Variants in NPC1 observed in about 807,000 individuals in gnomAD.
NPC1 encodes Niemann-Pick C1 protein.
NPC1 carries 85 observed loss-of-function variants against 140.4 expected under a neutral mutation model. The observed-to-expected ratio is 0.61, with a 90% confidence interval of 0.51 to 0.72. The LOEUF is 0.72. Ranked by LOEUF, NPC1 falls within the 30% of genes least tolerant of loss-of-function variation. The pLI is 0.00. For synonymous variants in NPC1, 656 were observed against 624.8 expected (o/e 1.05, Z -0.74); for missense variants, 1,504 against 1,623.8 (o/e 0.93, Z 1.27).
At chr18:23,543,332 G>GGA (rs2058737169) in intron 14 of NPC1, 123 bp downstream of exon 14, 2 of 422,358 alleles carry the variant, frequency 4.7e-6, no homozygotes, top group Non-Finnish European at 8.1e-6. Context: ...CCGTCTCAGA[G>GGA]AAAAAAAAAA....
At chr18:23,542,762 G>A (rs2058729896) in intron 14 of NPC1, among the ~76,000 whole-genome samples, 1 of 152,198 alleles carries the variant, frequency 6.6e-6, no homozygotes, top group African/African-American at 2.4e-5. Flanking sequence ...AGTGCCTGTG[G>A]ATTTGGGAGC....
chr18:23,540,323 A>G, intron 17 of NPC1, 125 bp downstream of exon 17: 1 of 728,036 alleles, frequency 1.4e-6, no homozygotes. Context: ...CTAACCCTGG[A>G]AACCCTGTCA....
downstream of NPC1, among the ~76,000 whole-genome samples, chr18:23,527,270 A>T (rs1027301250): frequency 6.6e-6 from 1 of 150,536 alleles, no homozygotes; most frequent in African/African-American, 2.4e-5. Context: ...TTGGTGGTAT[A>T]CACCTGTGGC....
At chr18:23,583,711 G>C (rs1301146474) in intron 1 of NPC1, among the ~76,000 whole-genome samples, 2 of 152,152 alleles carry the variant, frequency 1.3e-5, no homozygotes, top group Non-Finnish European at 2.9e-5. Flanking sequence ...TGACCAGAGT[G>C]ATTCTTTGTT....
At chr18:23,510,820 GAA>G (rs2057835595) in intron 3 of NPC1, among the ~76,000 whole-genome samples, 1 of 152,188 alleles carries the variant, frequency 6.6e-6, no homozygotes, top group African/African-American at 2.4e-5. Flanking sequence ...AAAAGTCAAA[GAA>G]TAACAGATAC....
chr18:23,560,207 T>G (rs764350291), intron 6 of NPC1, 24 bp downstream of exon 6: 2 of 1,613,850 alleles, frequency 1.2e-6, no homozygotes, highest in Non-Finnish European at 1.7e-6. Flanking sequence ...CTTTTTGCCC[T>G]GGATGACAAA....
downstream of NPC1, among the ~76,000 whole-genome samples, chr18:23,517,387 A>T (rs1017461344): frequency 6.6e-6 from 1 of 152,064 alleles, no homozygotes; most frequent in Admixed American, 6.5e-5. Flanking sequence ...TGACCTCTTG[A>T]TCTGCCCTCC....
intron 18 of NPC1, 147 bp from the exon 19 acceptor site, chr18:23,539,617 G>T: frequency 1.3e-6 from 1 of 786,924 alleles, no homozygotes. Flanking sequence ...AATGAAAAAA[G>T]CCTTCAAAGT....
chr18:23,532,100 G>T lies in NPC1; in HGVS notation c.*102C>A. The T allele has an allele frequency of 6.2e-7, 1 of 1,613,058 alleles. No individual in the cohort carries two copies. The highest frequency in any genetic ancestry group is 2.2e-5 in the East Asian group (1 of 44,862). On this transcript the variant is annotated 3_prime_UTR_variant, in exon 25 of 25. Transcript: ENST00000269228. ...GCTGCTGCCAAACAACCGATGGTTGGCACCATCCGGTGTTCAACTTGGCCT... is the reference window on the plus strand; with the variant it reads ...GCTGCTGCCAAACAACCGATGGTTGTCACCATCCGGTGTTCAACTTGGCCT...
chr18:23,547,165 T>A lies in NPC1; in HGVS notation c.1757+841A>T, dbSNP rs569212020. Among the ~76,000 whole-genome samples, 4 of 152,162 alleles carry A rather than the reference T, an allele frequency of 2.6e-5. No individual in the cohort carries two copies. In the South Asian group the frequency reaches 8.3e-4, roughly 32 times the overall value. ...TGAACTGCATGATACATATACCATATCTCAGTAAAACAATTTTTTAAAAGT... is the reference window on the plus strand; with the variant it reads ...TGAACTGCATGATACATATACCATAACTCAGTAAAACAATTTTTTAAAAGT... On this transcript the variant is annotated intron_variant, in intron 11 of 24. Coordinates refer to ENST00000269228, the MANE Select transcript of NPC1 (RefSeq NM_000271.5).
At chr18:23,527,675 T>C (rs970008780), downstream of NPC1, 12 of 596,052 alleles carry the variant, frequency 2.0e-5, 1 homozygote, top group Non-Finnish European at 3.4e-5. Context: ...TAGAGTGTCC[T>C]TTAAAGGTAC....
intron 24 of NPC1, 33 bp downstream of exon 24, chr18:23,533,322 A>G (rs904124962): frequency 6.2e-7 from 1 of 1,600,768 alleles, no homozygotes; most frequent in South Asian, 1.1e-5. Flanking sequence ...ATGTCCTTCT[A>G]TTGTGCCACC....
intron 1 of NPC1, among the ~76,000 whole-genome samples, chr18:23,584,251 A>G (rs2059389003): frequency 1.3e-5 from 2 of 152,248 alleles, no homozygotes; most frequent in South Asian, 2.1e-4. Context: ...GAACTCTACT[A>G]GCGCTCAGAC....
At chr18:23,556,670 A>C (rs775507807) in intron 7 of NPC1, 57 bp from the exon 8 acceptor site, 2 of 1,602,886 alleles carry the variant, frequency 1.2e-6, no homozygotes, top group Non-Finnish European at 1.7e-6. Context: ...CGTTCCTGAA[A>C]GTCGGAACAG....
At chr18:23,530,815 CGAG>C (rs2058473569), downstream of NPC1, among the ~76,000 whole-genome samples, 1 of 152,220 alleles carries the variant, frequency 6.6e-6, no homozygotes, top group East Asian at 1.9e-4. Context: ...TGGAACTCAC[CGAG>C]GAGGTGTGTT....
intron 1 of NPC1, among the ~76,000 whole-genome samples, chr18:23,576,149 G>A (rs1174621826): frequency 6.6e-6 from 1 of 152,064 alleles, no homozygotes; most frequent in South Asian, 2.1e-4. Context: ...GCTTGAACCC[G>A]AGAGGCGGAG....
downstream of NPC1, among the ~76,000 whole-genome samples, chr18:23,517,582 T>G (rs1346971816): frequency 6.6e-6 from 1 of 152,162 alleles, no homozygotes; most frequent in Non-Finnish European, 1.5e-5. Flanking sequence ...ATAGTCAAAA[T>G]TTTGCTTCTA....
At chr18:23,520,389 T>TCA, downstream of NPC1, 1 of 1,239,366 alleles carries the variant, frequency 8.1e-7, no homozygotes, top group Non-Finnish European at 1.2e-6. Flanking sequence ...TCTTTGGGAG[T>TCA]CACGTTAAAA....
In NPC1 at chr18:23,541,390, A is replaced by G. The variant is rs2058711785; in HGVS notation, c.2289T>C (p.Phe763=). Reference sequence around the variant, plus strand: ...AGTCAATGAAGACTGCCAATCCCGCAAAGAGAGAGAAGGTGTGCACGGCTG... The same window carrying G: ...AGTCAATGAAGACTGCCAATCCCGCGAAGAGAGAGAAGGTGTGCACGGCTG... ...VMPAVHTFSL[F]AGLAVFIDFL... The change falls in exon 15 of 25, where the codon TTT becomes TTC. Residue 763 remains phenylalanine (F), a synonymous_variant. Transcript: ENST00000269228. 2.5e-6 allele frequency: 4 copies of G among 1,614,242 alleles called. No individual in the cohort carries two copies. The Admixed American group carries it at 5.0e-5, about 20-fold the overall frequency.
Sources: allele counts gnomAD v4.1 joint callset (sites outside exome capture counted in the v4.1 genomes callset), GRCh38; gene constraint gnomAD v4.1.1; transcripts MANE v1.5; gene names NCBI Gene and HGNC (gene_info 2026-07-23, HGNC 2026-07-21).